The following LIN7A variants were observed in gnomAD, a reference collection of about 807,000 sequenced individuals.
LIN7A encodes the protein protein lin-7 homolog A.
Under a neutral mutation model 29.8 loss-of-function variants are expected in LIN7A, and 25 were observed. The observed-to-expected ratio is 0.84, with a 90% CI of 0.61 to 1.17. The LOEUF (loss-of-function observed/expected upper bound fraction) is 1.17, where lower values mean the gene tolerates loss of function less well. Among genes scored for constraint, LIN7A ranks in the 50% most tolerant of loss-of-function variants. LIN7A has a pLI of 0.00. For missense variants in LIN7A, 239 were observed against 287.0 expected, an observed-to-expected ratio of 0.83 and a Z score of 1.21; for synonymous variants, 118 against 107.5, an observed-to-expected ratio of 1.10 and a Z score of -0.60.
rs1873528907 is a variant in LIN7A at position 80,855,053 on chromosome 12, G to C, written c.202-6731C>G. Among the ~76,000 whole-genome samples the C allele has an allele frequency of 5.3e-5, 8 of 152,098 alleles. No individual in the cohort carries two copies. The South Asian group carries it at 1.7e-3, about 32-fold the overall frequency. On this transcript the variant is annotated intron_variant, in intron 2 of 5. Coordinates refer to ENST00000552864, the MANE Select transcript of LIN7A (RefSeq NM_004664.4). ...AGAGATTTTGTAGTGCCTCGTTATA[G>C]ATGGGTTGGCTACTAAAATGTCAAT...
intron 1 of LIN7A, among the ~76,000 whole-genome samples, chr12:80,915,745 T>C (rs1877000727): frequency 6.6e-6 from 1 of 152,184 alleles, no homozygotes. Flanking sequence ...TGCAGCTGAT[T>C]AAGCTATTAT....
At chr12:80,802,255 G>C (rs967856829) in intron 5 of LIN7A, among the ~76,000 whole-genome samples, 1 of 152,026 alleles carries the variant, frequency 6.6e-6, no homozygotes, top group African/African-American at 2.4e-5. Flanking sequence ...TTCTGTGCCT[G>C]GCTTATTTCA....
At chr12:80,869,149 A>T (rs895628387) in intron 2 of LIN7A, among the ~76,000 whole-genome samples, 112 of 145,462 alleles carry the variant, frequency 7.7e-4, no homozygotes, top group African/African-American at 1.4e-3. Flanking sequence ...TAAATAAATA[A>T]ATATATATAT....
intron 4 of LIN7A, among the ~76,000 whole-genome samples, chr12:80,826,532 C>T (rs1229333492): frequency 6.6e-6 from 1 of 151,118 alleles, no homozygotes; most frequent in Non-Finnish European, 1.5e-5. Flanking sequence ...TACTTTACTC[C>T]TTTTTTTTTA....
intron 1 of LIN7A, among the ~76,000 whole-genome samples, chr12:80,927,572 C>T (rs2701285): frequency 0.37 from 56,141 of 152,034 alleles, 12,839 homozygotes; most frequent in Middle Eastern, 0.53. Context: ...TTTCAGTTAA[C>T]ACAGTGTGAT....
At chr12:80,901,906 G>A (rs190557292) in intron 1 of LIN7A, among the ~76,000 whole-genome samples, 2 of 152,190 alleles carry the variant, frequency 1.3e-5, no homozygotes, top group Admixed American at 6.5e-5. Context: ...ATCTTTAAGG[G>A]GTAATTAGAG....
At chr12:80,918,340 C>T (rs1487518540) in intron 1 of LIN7A, among the ~76,000 whole-genome samples, 1 of 152,014 alleles carries the variant, frequency 6.6e-6, no homozygotes, top group East Asian at 1.9e-4. Flanking sequence ...GAGCCACCGT[C>T]CCTGGCCTTA....
intron 5 of LIN7A, among the ~76,000 whole-genome samples, chr12:80,803,509 A>G (rs966276718): frequency 2.0e-5 from 3 of 152,136 alleles, no homozygotes; most frequent in Admixed American, 1.3e-4. Context: ...TGTCAACAGC[A>G]TGTTGTTTTG....
At chr12:80,798,866 G>A (rs1201877244) in intron 5 of LIN7A, among the ~76,000 whole-genome samples, 1 of 151,070 alleles carries the variant, frequency 6.6e-6, no homozygotes, top group Non-Finnish European at 1.5e-5. Context: ...CTGAGTAGCT[G>A]GGACTACAGG....
intron 2 of LIN7A, among the ~76,000 whole-genome samples, chr12:80,883,037 T>G (rs1592922549): frequency 6.6e-6 from 1 of 152,202 alleles, no homozygotes; most frequent in East Asian, 1.9e-4. Flanking sequence ...CAGTATCAGC[T>G]TTACTTCCCT....
At chr12:80,828,714 T>C (rs1300527298) in intron 4 of LIN7A, among the ~76,000 whole-genome samples, 2 of 152,138 alleles carry the variant, frequency 1.3e-5, no homozygotes, top group Non-Finnish European at 2.9e-5. Context: ...TAACAAATCA[T>C]TGTCTGGAGG....
At chr12:80,893,796 C>CAGT (rs1875747585) in intron 1 of LIN7A, among the ~76,000 whole-genome samples, 1 of 152,144 alleles carries the variant, frequency 6.6e-6, no homozygotes, top group Non-Finnish European at 1.5e-5. Flanking sequence ...AGCTAAAAAG[C>CAGT]AGTGCCCAAT....
chr12:80,827,012 T>C (rs2121525524), intron 4 of LIN7A, among the ~76,000 whole-genome samples: 1 of 152,306 alleles, frequency 6.6e-6, no homozygotes, highest in South Asian at 2.1e-4. Context: ...CTTTAAAGCT[T>C]AGGTCAAAGA....
At chr12:80,900,931 A>G (rs1392196101) in intron 1 of LIN7A, among the ~76,000 whole-genome samples, 3 of 152,224 alleles carry the variant, frequency 2.0e-5, no homozygotes, top group South Asian at 4.1e-4. Flanking sequence ...GTGAAGCAGA[A>G]AAGAACCGAA....
Position 80,845,795 on chromosome 12 carries a change from C to A in LIN7A, c.418G>T (p.Gly140Ter). 1.2e-6 allele frequency: 2 copies of A among 1,613,930 alleles called. No homozygotes were observed. Among genetic ancestry groups the A allele is most frequent in the Non-Finnish European group, 1.7e-6 (2 of 1,179,950 alleles). Residue 140 changes from glycine (G) to a stop codon, truncating the protein, a stop_gained, in exon 4 of 6, where the codon GGA (glycine) becomes TGA (stop). Transcript: ENST00000552864. LOFTEE classifies it high-confidence loss of function. Reference protein sequence around the residue: ...SPIYISRIIPGGVAERHGGLK... With the variant: ...SPIYISRIIP ...CCTCCGTGTCTTTCAGCCACCCCTC[C>A]AGGAATTATGCGAGAGATATAAATG...
intron 1 of LIN7A, among the ~76,000 whole-genome samples, chr12:80,895,865 G>A (rs1055687743): frequency 4.6e-5 from 7 of 152,164 alleles, no homozygotes; most frequent in African/African-American, 1.7e-4. Context: ...AAGAAGGAAA[G>A]GACACAGGCC....
rs530393413 is a variant in LIN7A at position 80,895,431 on chromosome 12, C to T, written c.83-6062G>A. On this transcript the variant is annotated intron_variant, in intron 1 of 5. Transcript: ENST00000552864. ...TTAGACTGTGGAATTTGACTTATGACGCATCCAAAGCTGGAACATGGATAA... is the reference window on the plus strand; with the variant it reads ...TTAGACTGTGGAATTTGACTTATGATGCATCCAAAGCTGGAACATGGATAA... Among the ~76,000 whole-genome samples, 72 of 152,254 alleles carry T rather than the reference C, an allele frequency of 4.7e-4. 1 individual carries two copies. The highest frequency in any genetic ancestry group is 3.9e-4 in the Admixed American group (6 of 15,296).
chr12:80,900,379 A>G (rs1417538145), intron 1 of LIN7A, among the ~76,000 whole-genome samples: 1 of 152,122 alleles, frequency 6.6e-6, no homozygotes, highest in Non-Finnish European at 1.5e-5. Context: ...AGATCTTTCT[A>G]ACATTTTGAT....
At chr12:80,823,120 G>T (rs575424039) in intron 4 of LIN7A, among the ~76,000 whole-genome samples, 8 of 152,142 alleles carry the variant, frequency 5.3e-5, no homozygotes, top group African/African-American at 1.9e-4. Flanking sequence ...GCACCTCTTC[G>T]CTTTGCTCAC....
Sources: allele counts gnomAD v4.1 joint callset (sites outside exome capture counted in the v4.1 genomes callset), GRCh38; gene constraint gnomAD v4.1.1; transcripts MANE v1.5; gene names NCBI Gene and HGNC (gene_info 2026-07-23, HGNC 2026-07-21).